The following SPAG16 variants were observed in gnomAD, a reference collection of about 807,000 sequenced individuals.
The protein encoded by SPAG16 is sperm associated antigen 16.
SPAG16 carries 86 observed loss-of-function variants against 80.4 expected under a neutral mutation model. That is an observed-to-expected ratio of 1.07 (90% CI 0.90 to 1.28). The LOEUF (loss-of-function observed/expected upper bound fraction) is 1.28, where lower values mean the gene tolerates loss of function less well. Among genes scored for constraint, SPAG16 ranks in the 50% most tolerant of loss-of-function variants. The probability of loss-of-function intolerance (pLI) is 0.00; values close to 1 mark genes in which losing one functional copy is unlikely to be tolerated. For missense variants in SPAG16, 870 were observed against 765.3 expected, an observed-to-expected ratio of 1.14 and a Z score of -1.61; for synonymous variants, 294 against 265.9, an observed-to-expected ratio of 1.11 and a Z score of -1.03.
intron 10 of SPAG16, among the ~76,000 whole-genome samples, chr2:213,607,925 T>C (rs1330056772): frequency 6.6e-6 from 1 of 152,228 alleles, no homozygotes; most frequent in Non-Finnish European, 1.5e-5. Context: ...ACTTGTTTAA[T>C]TTTGTGCTTT....
intron 10 of SPAG16, among the ~76,000 whole-genome samples, chr2:213,528,447 T>C (rs2125875027): frequency 6.6e-6 from 1 of 152,086 alleles, no homozygotes; most frequent in East Asian, 1.9e-4. Flanking sequence ...TTTTTATATA[T>C]AGTATGTAAC....
chr2:214,145,329 A>G (rs2055585369), intron 14 of SPAG16, among the ~76,000 whole-genome samples: 1 of 152,128 alleles, frequency 6.6e-6, no homozygotes, highest in African/African-American at 2.4e-5. Context: ...CTTCTTCCAT[A>G]TTAGATTATT....
chr2:214,014,189 C>T, intron 13 of SPAG16, 112 bp downstream of exon 13: 1 of 1,329,918 alleles, frequency 7.5e-7, no homozygotes. Flanking sequence ...GCATTCAGGG[C>T]AAAAGAACAG....
chr2:213,497,144 A>G (rs936287200), intron 10 of SPAG16, among the ~76,000 whole-genome samples: 1 of 152,058 alleles, frequency 6.6e-6, no homozygotes, highest in African/African-American at 2.4e-5. Context: ...ACAGTTTATT[A>G]TCAAAGTACT....
chr2:214,320,053 T>G (rs1287543726), intron 15 of SPAG16, among the ~76,000 whole-genome samples: 2 of 152,164 alleles, frequency 1.3e-5, no homozygotes, highest in Non-Finnish European at 2.9e-5. Context: ...TCAGTAAGCT[T>G]ATACTTATTT....
At chr2:213,409,129 A>G (rs375198042) in intron 9 of SPAG16, among the ~76,000 whole-genome samples, 1 of 141,092 alleles carries the variant, frequency 7.1e-6, no homozygotes, top group African/African-American at 2.6e-5. Context: ...TTTTTTTTTT[A>G]AAGGGGATGT....
Position 213,309,989 on chromosome 2 carries a change from A to T in SPAG16, c.280-70A>T, listed in dbSNP as rs974594374. ...AATGAATGGATGAATGAATGAGTCG[A>T]AGGCTTATCTATATCATTAATTAAT... is the stretch of plus-strand genomic sequence containing the variant. On this transcript the variant is annotated intron_variant, in intron 3 of 15. Transcript: ENST00000331683. 23 of 970,860 alleles carry T rather than the reference A, an allele frequency of 2.4e-5. No individual in the cohort carries two copies. The African/African-American group carries it at 3.6e-4, about 15-fold the overall frequency. The allele number at this position is 970,860 out of a possible 1,614,324, so 60.1% of individuals were successfully genotyped here.
chr2:213,461,792 G>A (rs576531956), intron 9 of SPAG16, among the ~76,000 whole-genome samples: 3 of 152,272 alleles, frequency 2.0e-5, no homozygotes, highest in African/African-American at 7.2e-5. Context: ...ATAAGCCCTA[G>A]GCATGGACAA....
rs1202077943 is a variant in SPAG16, at chr2:213,393,617, A to C, written c.942+18498A>C. Among the ~76,000 whole-genome samples, 4 of 152,050 alleles carry C rather than the reference A, an allele frequency of 2.6e-5. No homozygotes were observed. The East Asian group carries it at 7.7e-4, about 29-fold the overall frequency. On this transcript the variant is annotated intron_variant, in intron 9 of 15. Coordinates refer to ENST00000331683, the MANE Select transcript of SPAG16 (RefSeq NM_024532.5). ...ATTCTTGTATGTCTCCAAGTGCATT[A>C]GTGGAAGATTTTCTGTAGGACACAA...
chr2:213,397,703 A>G (rs1575479052), intron 9 of SPAG16, among the ~76,000 whole-genome samples: 3 of 152,122 alleles, frequency 2.0e-5, no homozygotes, highest in East Asian at 3.8e-4. Flanking sequence ...AGTAACTGCT[A>G]TAATTTTTCA....
rs57605351 is a variant in SPAG16 at position 213,733,220 on chromosome 2, G to GTTT, written c.1071-129257_1071-129255dup. 2.5e-4 allele frequency among the ~76,000 whole-genome samples: 38 copies of GTTT among 149,336 alleles called. 1 individual carries two copies. The highest frequency in any genetic ancestry group is 3.5e-3 in the Middle Eastern group (1 of 288). ...CCTTCACCTACTTTGTAATGGGGTT[G>GTTT]TTTTTTTTTTCTTGTAAATTTAAGT... On this transcript the variant is annotated intron_variant, in intron 10 of 15. Transcript: ENST00000331683.
At chr2:214,075,348 G>A (rs924490872) in intron 13 of SPAG16, among the ~76,000 whole-genome samples, 4 of 151,464 alleles carry the variant, frequency 2.6e-5, no homozygotes, top group Non-Finnish European at 2.9e-5. Flanking sequence ...CATTAATTAT[G>A]TACAATAGTA....
chr2:213,609,059 A>C (rs767972676), intron 10 of SPAG16, among the ~76,000 whole-genome samples: 3 of 152,256 alleles, frequency 2.0e-5, no homozygotes, highest in Admixed American at 1.3e-4. Flanking sequence ...AAAGATCTCT[A>C]TAAAAATTAC....
rs144603426 is a variant in SPAG16, at chr2:213,930,094, T to A, written c.1349T>A (p.Phe450Tyr). Residue 450 changes from phenylalanine to tyrosine, a missense_variant, in exon 12 of 16, where the codon TTT (phenylalanine) becomes TAT (tyrosine). Coordinates refer to ENST00000331683, the MANE Select transcript of SPAG16 (RefSeq NM_024532.5). ...TGCACATGGCACTCCTGCGGCAATT[T>A]TGTGGCTTCCTCCTCACTGGATAAA... ...WSCTWHSCGN[F>Y]VASSSLDKTS... The A allele has an allele frequency of 3.1e-6, 5 of 1,613,836 alleles. No homozygotes were observed. Among genetic ancestry groups the A allele is most frequent in the Admixed American group, 1.7e-5 (1 of 59,968 alleles).
rs142299406 is a variant in SPAG16 at position 214,069,219 on chromosome 2, C to T, written c.1528-38977C>T. Reference sequence around the variant, plus strand: ...GAGAATGGTTTTAATCATTCCGATACGTGTATATTGTTAAGCTGCTAATTT... The same window carrying T: ...GAGAATGGTTTTAATCATTCCGATATGTGTATATTGTTAAGCTGCTAATTT... On this transcript the variant is annotated intron_variant, in intron 13 of 15. Transcript: ENST00000331683. 2.8e-4 allele frequency among the ~76,000 whole-genome samples: 43 copies of T among 152,146 alleles called. No homozygotes were observed. The East Asian group carries it at 7.2e-3, about 25-fold the overall frequency.
intron 10 of SPAG16, among the ~76,000 whole-genome samples, chr2:213,719,037 G>A (rs1401857771): frequency 6.6e-6 from 1 of 152,154 alleles, no homozygotes; most frequent in Non-Finnish European, 1.5e-5. Flanking sequence ...TTAGCTCAAG[G>A]TTTGTGAGTG....
intron 15 of SPAG16, among the ~76,000 whole-genome samples, chr2:214,323,338 ATT>A (rs1387275717): frequency 6.6e-5 from 10 of 151,006 alleles, no homozygotes; most frequent in East Asian, 3.9e-4. Flanking sequence ...ATATATATTT[ATT>A]TATTTATTTA....
At chr2:213,428,624 C>G (rs1055100627) in intron 9 of SPAG16, among the ~76,000 whole-genome samples, 1 of 152,144 alleles carries the variant, frequency 6.6e-6, no homozygotes, top group Admixed American at 6.5e-5. Flanking sequence ...GGCTCTCTCC[C>G]TTCGTGGGTG....
At chr2:213,484,321 G>T (rs1177757828) in intron 9 of SPAG16, among the ~76,000 whole-genome samples, 10 of 152,212 alleles carry the variant, frequency 6.6e-5, no homozygotes, top group African/African-American at 2.4e-4. Context: ...AAACATAAAG[G>T]TCAAGTAATT....
Sources: gnomAD v4.1 joint callset for allele counts (sites outside exome capture counted in the v4.1 genomes callset) on GRCh38, gnomAD v4.1.1 for gene constraint, MANE v1.5 for transcripts, NCBI Gene and HGNC (gene_info 2026-07-23, HGNC 2026-07-21) for gene names.